Variants in DCDC1 observed in about 807,000 individuals in gnomAD.
The protein encoded by DCDC1 is doublecortin domain-containing protein 1.
In DCDC1, 200 loss-of-function variants were observed where a neutral mutation model predicts 178.3. The ratio of observed to expected loss-of-function variants is 1.12; its 90% CI spans 1.00 to 1.26. DCDC1 has a LOEUF of 1.26. DCDC1 is among the 50% of genes most tolerant of loss of function. The pLI is 0.00. For synonymous variants in DCDC1, 690 were observed against 604.8 expected (o/e 1.14, Z -2.07); for missense variants, 1,983 against 1,749.2 (o/e 1.13, Z -2.38).
intron 20 of DCDC1, among the ~76,000 whole-genome samples, chr11:30,983,549 T>A (rs1950493039): frequency 6.6e-6 from 1 of 152,190 alleles, no homozygotes; most frequent in Middle Eastern, 3.2e-3. Flanking sequence ...TAAATCATAT[T>A]GGATTTTTTC....
chr11:30,935,715 A>G (rs111814507), intron 21 of DCDC1, among the ~76,000 whole-genome samples: 4,103 of 152,026 alleles, frequency 0.027, 180 homozygotes, highest in African/African-American at 0.093. Flanking sequence ...TACCACGCCC[A>G]GCTATGTTTT....
At chr11:31,192,271 G>T (rs541595307) in intron 9 of DCDC1, among the ~76,000 whole-genome samples, 17 of 152,032 alleles carry the variant, frequency 1.1e-4, no homozygotes, top group African/African-American at 3.9e-4. Context: ...TTTTTTCCTA[G>T]AAGTTCAAAT....
chr11:31,245,232 A>G (rs1281967983), intron 8 of DCDC1, among the ~76,000 whole-genome samples: 1 of 150,542 alleles, frequency 6.6e-6, no homozygotes, highest in East Asian at 1.9e-4. Flanking sequence ...GTATTAGTCC[A>G]TATCTTGTCC....
intron 18 of DCDC1, among the ~76,000 whole-genome samples, chr11:31,065,948 C>T (rs189159534): frequency 2.4e-4 from 37 of 152,150 alleles, no homozygotes; most frequent in Admixed American, 2.2e-3. Flanking sequence ...TTGGGCTCCC[C>T]GGTCAAGTTT....
intron 18 of DCDC1, among the ~76,000 whole-genome samples, chr11:31,072,626 T>C (rs1302476041): frequency 6.6e-6 from 1 of 152,108 alleles, no homozygotes; most frequent in Non-Finnish European, 1.5e-5. Context: ...GCTGAAACTA[T>C]GAATTGTATG....
intron 29 of DCDC1, among the ~76,000 whole-genome samples, chr11:30,907,803 G>A (rs12785709): frequency 6.6e-5 from 10 of 152,116 alleles, no homozygotes; most frequent in African/African-American, 4.8e-5. Context: ...AGCTCTAATC[G>A]CCGGCTCGCC....
chr11:31,194,740 T>C (rs1970490797), intron 9 of DCDC1, among the ~76,000 whole-genome samples: 1 of 152,078 alleles, frequency 6.6e-6, no homozygotes, highest in Admixed American at 6.6e-5. Flanking sequence ...GATGGACATT[T>C]TTGCATGTAA....
In DCDC1 at chr11:31,116,356, A is replaced by G. The variant is rs17334609; in HGVS notation, c.1486-5995T>C. 4.1e-3 allele frequency among the ~76,000 whole-genome samples: 627 copies of G among 152,246 alleles called. 6 individuals carry two copies. Among genetic ancestry groups the G allele is most frequent in the Non-Finnish European group, 7.2e-3 (489 of 67,984 alleles). On this transcript the variant is annotated intron_variant, in intron 11 of 38. Coordinates refer to ENST00000684477, the MANE Select transcript of DCDC1 (RefSeq NM_001387274.1). ...ACCTAAATCAAATAACACAAAAATTAAAGTGAAATATTTTTCTTATGTAAG... is the reference window on the plus strand; with the variant it reads ...ACCTAAATCAAATAACACAAAAATTGAAGTGAAATATTTTTCTTATGTAAG...
rs1243329104 is a variant in DCDC1, at chr11:30,891,996, C to T, written c.5082+822G>A. ...TCTATTATAGTATCTTGCCTTTCCACACCCCCCACCACCAACAACATCTCT... is the reference window on the plus strand; with the variant it reads ...TCTATTATAGTATCTTGCCTTTCCATACCCCCCACCACCAACAACATCTCT... On this transcript the variant is annotated intron_variant, in intron 36 of 38. Coordinates refer to ENST00000684477, the MANE Select transcript of DCDC1 (RefSeq NM_001387274.1). Among the ~76,000 whole-genome samples, 5 of 152,282 alleles carry T rather than the reference C, an allele frequency of 3.3e-5. No homozygotes were observed. The East Asian group carries it at 9.7e-4, about 29-fold the overall frequency.
intron 9 of DCDC1, among the ~76,000 whole-genome samples, chr11:31,214,405 A>C (rs1319822135): frequency 3.3e-5 from 5 of 152,194 alleles, no homozygotes; most frequent in Non-Finnish European, 1.5e-5. Context: ...ATTTAAACTA[A>C]TGGTAGAATT....
intron 13 of DCDC1, among the ~76,000 whole-genome samples, chr11:31,106,462 A>G (rs1182323516): frequency 3.3e-5 from 5 of 152,224 alleles, no homozygotes; most frequent in Admixed American, 2.6e-4. Flanking sequence ...TGCGACAATG[A>G]CAGTGTGATG....
At chr11:31,203,851 C>T (rs988215101) in intron 9 of DCDC1, among the ~76,000 whole-genome samples, 5 of 152,024 alleles carry the variant, frequency 3.3e-5, no homozygotes, top group Non-Finnish European at 5.9e-5. Context: ...GGAATATTGA[C>T]CCCATGCAAC....
chr11:31,291,179 A>AT (rs1377788679), intron 6 of DCDC1, among the ~76,000 whole-genome samples: 1 of 152,050 alleles, frequency 6.6e-6, no homozygotes, highest in African/African-American at 2.4e-5. Flanking sequence ...GAAAGGGTCT[A>AT]TTGAAAATAT....
At chr11:31,213,218 CAG>C (rs1973011090) in intron 9 of DCDC1, among the ~76,000 whole-genome samples, 1 of 146,682 alleles carries the variant, frequency 6.8e-6, no homozygotes, top group Non-Finnish European at 1.5e-5. Context: ...TGTGGCTCTT[CAG>C]TCACTTCACC....
chr11:31,247,858 G>A (rs1015504698), intron 8 of DCDC1, among the ~76,000 whole-genome samples: 3 of 151,854 alleles, frequency 2.0e-5, no homozygotes, highest in African/African-American at 7.3e-5. Flanking sequence ...GAAAATACAA[G>A]GATTTTGTGA....
intron 9 of DCDC1, among the ~76,000 whole-genome samples, chr11:31,168,569 C>G (rs1237358179): frequency 1.3e-5 from 2 of 152,240 alleles, no homozygotes; most frequent in East Asian, 3.9e-4. Context: ...AAAATGGGGA[C>G]AAGTCGGAGA....
intron 13 of DCDC1, among the ~76,000 whole-genome samples, chr11:31,106,128 A>AT (rs2135763367): frequency 6.6e-6 from 1 of 152,294 alleles, no homozygotes; most frequent in South Asian, 2.1e-4. Context: ...AACACAGATA[A>AT]TTTTATGCAG....
In DCDC1 at chr11:31,241,541, C is replaced by G; in HGVS notation, c.1130G>C (p.Gly377Ala). 2.5e-6 allele frequency: 1 copy of G among 397,572 alleles called. No homozygotes were observed. The highest frequency in any genetic ancestry group is 4.4e-6 in the Non-Finnish European group (1 of 225,106). The allele number at this position is 397,572 out of a possible 1,614,324, so 24.6% of individuals were successfully genotyped here. A position where few individuals can be genotyped will look rare whatever the true frequency, so the allele number is the denominator to read the frequency against. ...RGLLWVSKGE[G>A]FSPSGAKMYI... is the part of the protein sequence containing the mutation. ...CATCTTAGCTCCTGAGGGGCTGAAACCTTCTCCCTTAGAGACCCAAAGTAG... is the reference window on the plus strand; with the variant it reads ...CATCTTAGCTCCTGAGGGGCTGAAAGCTTCTCCCTTAGAGACCCAAAGTAG... The change falls in exon 9 of 39, where the codon GGT (glycine) becomes GCT (alanine). Residue 377 changes from glycine to alanine, a missense_variant. Physicochemically the swap from Gly to Ala is moderately conservative, Grantham distance 60. Transcript: ENST00000684477.
At chr11:30,914,977 G>A (rs1945729554) in intron 27 of DCDC1, among the ~76,000 whole-genome samples, 1 of 151,940 alleles carries the variant, frequency 6.6e-6, no homozygotes, top group South Asian at 2.1e-4. Flanking sequence ...TACTGTAGTT[G>A]GTTCAAATTT....
Sources: gnomAD v4.1 joint callset for allele counts (sites outside exome capture counted in the v4.1 genomes callset) on GRCh38, gnomAD v4.1.1 for gene constraint, MANE v1.5 for transcripts, NCBI Gene and HGNC (gene_info 2026-07-23, HGNC 2026-07-21) for gene names.